TRANK1: variants seen among roughly 807,000 people sequenced by gnomAD.
TRANK1 encodes the protein tetratricopeptide repeat and ankyrin repeat containing 1, also known as TPR and ankyrin repeat-containing protein 1.
A neutral mutation model predicts 266.0 loss-of-function variants in TRANK1; 198 were observed. The observed-to-expected ratio is 0.74, with a 90% CI of 0.66 to 0.84. The LOEUF is 0.84. Ranked by LOEUF, TRANK1 falls within the 40% of genes least tolerant of loss-of-function variation. The pLI is 0.00. For missense variants in TRANK1, 3,326 were observed against 3,634.6 expected (o/e 0.92, Z 2.18); for synonymous variants, 1,396 against 1,384.1 (o/e 1.01, Z -0.19).
intron 1 of TRANK1, among the ~76,000 whole-genome samples, chr3:36,922,636 T>A (rs1360979982): frequency 6.6e-6 from 1 of 150,976 alleles, no homozygotes; most frequent in Non-Finnish European, 1.5e-5. Flanking sequence ...CATAGCTGGG[T>A]GTGGTGGCAC....
chr3:36,853,315 A>G (rs2079009823), intron 13 of TRANK1, among the ~76,000 whole-genome samples: 1 of 152,250 alleles, frequency 6.6e-6, no homozygotes, highest in South Asian at 2.1e-4. Context: ...CTTAGAAGCC[A>G]GGTGCCCTTT....
intron 8 of TRANK1, among the ~76,000 whole-genome samples, chr3:36,883,625 A>G (rs1277862834): frequency 6.6e-6 from 1 of 152,084 alleles, no homozygotes; most frequent in Non-Finnish European, 1.5e-5. Context: ...AATTAAAGAA[A>G]CTGATTATCT....
At chr3:36,888,018 A>G (rs1171210483) in intron 8 of TRANK1, among the ~76,000 whole-genome samples, 4 of 152,216 alleles carry the variant, frequency 2.6e-5, no homozygotes, top group Non-Finnish European at 5.9e-5. Context: ...TAGCTGGGAA[A>G]AATGAAAACA....
intron 8 of TRANK1, among the ~76,000 whole-genome samples, chr3:36,882,889 C>T (rs950742095): frequency 6.6e-6 from 1 of 152,176 alleles, no homozygotes; most frequent in Non-Finnish European, 1.5e-5. Flanking sequence ...AGTTCAACCT[C>T]ACACATAATT....
intron 1 of TRANK1, among the ~76,000 whole-genome samples, chr3:36,925,219 T>C (rs1028074367): frequency 1.3e-5 from 2 of 152,216 alleles, no homozygotes; most frequent in African/African-American, 4.8e-5. Flanking sequence ...TCCTAACCTC[T>C]GATTTTATTG....
chr3:36,843,986 T>C (rs1372003825), intron 17 of TRANK1, among the ~76,000 whole-genome samples: 1 of 152,156 alleles, frequency 6.6e-6, no homozygotes, highest in Non-Finnish European at 1.5e-5. Context: ...ACTCTGCAGA[T>C]GCCATGTAAA....
At position 36,857,186 on chromosome 3, in the gene TRANK1, G is replaced by T. The variant is rs1168317573; in HGVS notation, c.2536C>A (p.Leu846Met). 6.2e-7 allele frequency: 1 copy of T among 1,613,910 alleles called. No individual in the cohort carries two copies. Among genetic ancestry groups the T allele is most frequent in the South Asian group, 1.1e-5 (1 of 91,084 alleles). Reference protein sequence around the residue: ...IECTSEMLKKLSSKVMTKVIK... With the variant: ...IECTSEMLKKMSSKVMTKVIK... ...ACCTTGGTCATTACCTTACTAGACA[G>T]CTTCTTCAGCATTTCTGAAGTGCAC... Residue 846 changes from leucine (L) to methionine (M), a missense_variant, in exon 13 of 24, where the codon CTG (leucine) becomes ATG (methionine). Physicochemically the swap from Leu to Met is conservative, Grantham distance 15. Coordinates refer to ENST00000645898, the MANE Select transcript of TRANK1 (RefSeq NM_001329998.2). The surrounding 1 kb of genome is among the most constrained non-coding windows in gnomAD (Gnocchi z 4.3).
intron 1 of TRANK1, chr3:36,929,439 G>A (rs2080332004): frequency 6.6e-6 from 1 of 152,148 alleles, no homozygotes; most frequent in Non-Finnish European, 1.5e-5. Flanking sequence ...AATTGTTAAA[G>A]TCAGGTACTA....
At chr3:36,893,852 T>A (rs2079747313) in intron 5 of TRANK1, among the ~76,000 whole-genome samples, 1 of 151,862 alleles carries the variant, frequency 6.6e-6, no homozygotes, top group Non-Finnish European at 1.5e-5. Flanking sequence ...CATGGCCACA[T>A]CTCACTTCTA....
At chr3:36,851,626 T>A in intron 15 of TRANK1, 93 bp downstream of exon 15, 1 of 1,429,844 alleles carries the variant, frequency 7.0e-7, no homozygotes, top group Non-Finnish European at 9.3e-7. Flanking sequence ...TGTGATAAAC[T>A]CTCTTACCCT....
At position 36,874,241 on chromosome 3, in the gene TRANK1, C is replaced by T. The variant is rs750691634; in HGVS notation, c.963G>A (p.Leu321=). Reference sequence around the variant, plus strand: ...CCACAACAGACCGAGACTGTCGATCCAGCAAAGTGGGATCTGCCCCAAAGC... The same window carrying T: ...CCACAACAGACCGAGACTGTCGATCTAGCAAAGTGGGATCTGCCCCAAAGC... ...LLRFGADPTL[L]DRQSRSVVDV... The change falls in exon 9 of 24, where the codon CTG becomes CTA. Residue 321 remains leucine (L), a synonymous_variant. Transcript: ENST00000645898. 96 of 1,537,060 alleles carry T rather than the reference C, an allele frequency of 6.2e-5. No homozygotes were observed. Among genetic ancestry groups the T allele is most frequent in the South Asian group, 1.8e-4 (15 of 84,048 alleles).
At position 36,856,535 on chromosome 3, in the gene TRANK1, C is replaced by G; in HGVS notation, c.3187G>C (p.Asp1063His). Reference protein sequence around the residue: ...RVGELEYAVIDLNPRPLEPII... With the variant: ...RVGELEYAVIHLNPRPLEPII... ...GGCTCCAGTGGCCTGGGATTGAGGT[C>G]GATCACCGCGTACTCAAGCTCACCC... Residue 1063 changes from aspartate (D) to histidine (H), a missense_variant, in exon 13 of 24, where the codon GAC becomes CAC. Asp to His is a moderately conservative substitution (Grantham distance 81). Coordinates refer to ENST00000645898, the MANE Select transcript of TRANK1 (RefSeq NM_001329998.2). The G allele has an allele frequency of 6.2e-7, 1 of 1,613,972 alleles. No homozygotes were observed. The highest frequency in any genetic ancestry group is 8.5e-7 in the Non-Finnish European group (1 of 1,179,886).
chr3:36,915,099 C>A (rs1057426570), intron 1 of TRANK1, among the ~76,000 whole-genome samples: 1 of 152,020 alleles, frequency 6.6e-6, no homozygotes, highest in Non-Finnish European at 1.5e-5. Flanking sequence ...CTACAGGCGC[C>A]GGCCACCACG....
intron 20 of TRANK1, among the ~76,000 whole-genome samples, chr3:36,836,545 A>G (rs2078772803): frequency 6.6e-6 from 1 of 152,264 alleles, no homozygotes; most frequent in Non-Finnish European, 1.5e-5. Flanking sequence ...ATTTGAGCAC[A>G]TATAAAAATG....
rs1261947022 is a variant in TRANK1, at chr3:36,856,530, G to A, written c.3192C>T (p.Leu1064=). The change falls in exon 13 of 24, where the codon CTC becomes CTT. Residue 1064 remains leucine, a synonymous_variant. Coordinates refer to ENST00000645898, the MANE Select transcript of TRANK1 (RefSeq NM_001329998.2). Reference sequence around the variant, plus strand: ...TGATGGGCTCCAGTGGCCTGGGATTGAGGTCGATCACCGCGTACTCAAGCT... The same window carrying A: ...TGATGGGCTCCAGTGGCCTGGGATTAAGGTCGATCACCGCGTACTCAAGCT... The part of the protein sequence containing the change: ...VGELEYAVID[L]NPRPLEPIIL... 8 of 1,613,996 alleles carry A rather than the reference G, an allele frequency of 5.0e-6. No individual in the cohort carries two copies. The South Asian group carries it at 8.8e-5, about 18-fold the overall frequency.
At position 36,832,313 on chromosome 3, in the gene TRANK1, C is replaced by G. The variant is rs763352609; in HGVS notation, c.7270G>C (p.Glu2424Gln). Residue 2424 changes from glutamate (E) to glutamine (Q), a missense_variant, in exon 22 of 24, where the codon GAA becomes CAA. Transcript: ENST00000645898. ...CGGAAAAAGAGCCTCTTGTAGTCTT[C>G]TGGGTTCCTGTACACGTAGAATTGA... ...IDQFYVYRNP[E>Q]DYKRLFFRFM... The G allele has an allele frequency of 1.2e-6, 2 of 1,613,886 alleles. No homozygotes were observed. Among genetic ancestry groups the G allele is most frequent in the African/African-American group, 2.7e-5 (2 of 74,918 alleles).
intron 1 of TRANK1, among the ~76,000 whole-genome samples, chr3:36,917,930 T>C (rs1161579412): frequency 6.6e-6 from 1 of 152,164 alleles, no homozygotes; most frequent in African/African-American, 2.4e-5. Context: ...TGGGAGGAGC[T>C]ATAATGAAAA....
chr3:36,879,243 G>A (rs1347372032), intron 8 of TRANK1, among the ~76,000 whole-genome samples: 3 of 151,472 alleles, frequency 2.0e-5, no homozygotes, highest in South Asian at 2.1e-4. Flanking sequence ...TTAGGCTTAT[G>A]AGAAGCCAAG....
At chr3:36,852,113 T>C (rs765300906) in intron 14 of TRANK1, 33 bp downstream of exon 14, 24 of 1,544,408 alleles carry the variant, frequency 1.6e-5, no homozygotes, top group Non-Finnish European at 1.7e-5. Flanking sequence ...AAACTGTCTT[T>C]TATTTCAAAA....
Sources: gnomAD v4.1 joint callset for allele counts (sites outside exome capture counted in the v4.1 genomes callset) on GRCh38, gnomAD v4.1.1 for gene constraint, Gnocchi (gnomAD v3.1) non-coding constraint, MANE v1.5 for transcripts, NCBI Gene and HGNC (gene_info 2026-07-23, HGNC 2026-07-21) for gene names.